The following ROBO1 variants were observed in gnomAD, a reference collection of about 807,000 sequenced individuals.
The protein encoded by ROBO1 is roundabout homolog 1.
Under a neutral mutation model 195.9 loss-of-function variants are expected in ROBO1, and 149 were observed. The observed-to-expected ratio is 0.76, with a 90% confidence interval of 0.67 to 0.87. ROBO1 has a LOEUF of 0.87. Ranked by LOEUF, ROBO1 falls within the 40% of genes least tolerant of loss-of-function variation. ROBO1 has a pLI of 0.00. For synonymous variants in ROBO1, 816 were observed against 733.2 expected, an observed-to-expected ratio of 1.11 and a Z score of -1.82; for missense variants, 1,933 against 2,068.3, an observed-to-expected ratio of 0.93 and a Z score of 1.27.
chr3:79,560,558 T>TATATATATATATATATACACAC (rs5850439), intron 2 of ROBO1, among the ~76,000 whole-genome samples: 1 of 129,702 alleles, frequency 7.7e-6, no homozygotes, highest in Non-Finnish European at 1.6e-5. Context: ...TATATATATA[T>TATATATATATATATATACACAC]ACACATACAC....
intron 28 of ROBO1, among the ~76,000 whole-genome samples, chr3:78,612,200 G>C (rs1703859574): frequency 1.3e-5 from 2 of 151,930 alleles, no homozygotes; most frequent in African/African-American, 4.8e-5. Flanking sequence ...ACCATATTCT[G>C]AACAATAGTT....
Position 79,695,321 on chromosome 3 carries a change from G to A in ROBO1, c.-51+72431C>T, listed in dbSNP as rs1200053708. Among the ~76,000 whole-genome samples the A allele has an allele frequency of 7.3e-5, 11 of 151,416 alleles. No homozygotes were observed. In the East Asian group the frequency reaches 9.7e-4, roughly 13 times the overall value. On this transcript the variant is annotated intron_variant, in intron 1 of 30. Coordinates refer to ENST00000464233, the MANE Select transcript of ROBO1 (RefSeq NM_002941.4). Reference sequence around the variant, plus strand: ...TTATTTGTACAAAGAATCTACTCTCGTAATCAATGCAACATTAAACAACCT... The same window carrying A: ...TTATTTGTACAAAGAATCTACTCTCATAATCAATGCAACATTAAACAACCT...
At chr3:78,740,053 T>A (rs1284881586) in intron 5 of ROBO1, among the ~76,000 whole-genome samples, 1 of 152,192 alleles carries the variant, frequency 6.6e-6, no homozygotes, top group East Asian at 1.9e-4. Context: ...TTTTAGTATG[T>A]AACTGACAAG....
At chr3:79,393,518 C>T (rs981422911) in intron 2 of ROBO1, among the ~76,000 whole-genome samples, 3 of 152,208 alleles carry the variant, frequency 2.0e-5, no homozygotes, top group Non-Finnish European at 2.9e-5. Flanking sequence ...TGTGCATCAG[C>T]TTCTACCTCT....
chr3:79,111,119 C>T (rs571957119), intron 3 of ROBO1, among the ~76,000 whole-genome samples: 5 of 152,252 alleles, frequency 3.3e-5, no homozygotes, highest in South Asian at 2.1e-4. Flanking sequence ...TGCTTCTGAT[C>T]GCTCTGACTC....
chr3:78,662,644 T>C (rs1011673597), intron 14 of ROBO1, among the ~76,000 whole-genome samples: 2 of 152,168 alleles, frequency 1.3e-5, no homozygotes, highest in African/African-American at 2.4e-5. Flanking sequence ...GGAAGGTATA[T>C]GGTAAGTTAG....
At chr3:79,572,854 A>T (rs1943325248) in intron 2 of ROBO1, among the ~76,000 whole-genome samples, 1 of 152,140 alleles carries the variant, frequency 6.6e-6, no homozygotes, top group Admixed American at 6.6e-5. Context: ...GTACGTTTTT[A>T]AATCACACTG....
At chr3:78,641,956 T>C (rs1425912159) in intron 21 of ROBO1, among the ~76,000 whole-genome samples, 1 of 152,184 alleles carries the variant, frequency 6.6e-6, no homozygotes, top group Non-Finnish European at 1.5e-5. Flanking sequence ...AGGTGAGCCA[T>C]GATTACTGGC....
chr3:79,517,964 T>C (rs1290794272), intron 2 of ROBO1, among the ~76,000 whole-genome samples: 1 of 151,998 alleles, frequency 6.6e-6, no homozygotes, highest in Non-Finnish European at 1.5e-5. Context: ...TTTTCCAGGG[T>C]GTTAGGGTTT....
chr3:79,138,301 G>A (rs573365966), intron 2 of ROBO1, among the ~76,000 whole-genome samples: 3 of 151,972 alleles, frequency 2.0e-5, no homozygotes, highest in African/African-American at 4.8e-5. Flanking sequence ...TACTTTTTTT[G>A]TTGAATGACT....
At chr3:79,026,984 T>G (rs2078213622) in intron 3 of ROBO1, among the ~76,000 whole-genome samples, 1 of 152,094 alleles carries the variant, frequency 6.6e-6, no homozygotes, top group African/African-American at 2.4e-5. Context: ...ATTTAGTGCC[T>G]TCATTATGTT....
intron 2 of ROBO1, among the ~76,000 whole-genome samples, chr3:79,257,789 A>G (rs1161459053): frequency 6.6e-6 from 1 of 152,156 alleles, no homozygotes; most frequent in Admixed American, 6.6e-5. Flanking sequence ...TTGCTACACC[A>G]TAATACACTC....
intron 2 of ROBO1, among the ~76,000 whole-genome samples, chr3:79,301,619 C>T (rs2032962012): frequency 6.6e-6 from 1 of 151,924 alleles, no homozygotes; most frequent in Admixed American, 6.6e-5. Context: ...TTATGCATTC[C>T]AATAGATGGA....
intron 3 of ROBO1, among the ~76,000 whole-genome samples, chr3:79,006,674 A>G (rs1239703756): frequency 4.7e-5 from 1 of 21,420 alleles, no homozygotes; most frequent in Non-Finnish European, 1.2e-4. Context: ...TCAGCCAGCC[A>G]CTCCTTGGCC....
At chr3:78,808,592 T>C (rs2084625043) in intron 4 of ROBO1, among the ~76,000 whole-genome samples, 2 of 152,140 alleles carry the variant, frequency 1.3e-5, no homozygotes, top group African/African-American at 4.8e-5. Context: ...ATTTTCAAAT[T>C]ATATGGAAAT....
intron 2 of ROBO1, among the ~76,000 whole-genome samples, chr3:79,255,848 T>G (rs1005549010): frequency 6.6e-5 from 10 of 152,116 alleles, no homozygotes; most frequent in Admixed American, 3.3e-4. Flanking sequence ...TACTTCCCCA[T>G]AAGTGAGGTA....
chr3:78,717,514 A>G (rs2081932458), intron 6 of ROBO1, 101 bp from the exon 7 acceptor site: 1 of 1,134,704 alleles, frequency 8.8e-7, no homozygotes, highest in Non-Finnish European at 1.3e-6. Flanking sequence ...TTAAAATATC[A>G]GCGAGGAAAT....
intron 2 of ROBO1, among the ~76,000 whole-genome samples, chr3:79,141,016 G>A (rs902621793): frequency 5.3e-5 from 8 of 152,150 alleles, no homozygotes; most frequent in African/African-American, 1.9e-4. Flanking sequence ...ATAAAACACA[G>A]TTGATATTGA....
chr3:79,632,642 T>C (rs1043846621), intron 1 of ROBO1, among the ~76,000 whole-genome samples: 2 of 152,044 alleles, frequency 1.3e-5, no homozygotes, highest in African/African-American at 4.8e-5. Flanking sequence ...AAATCCAAAA[T>C]GGATCACAGA....
Sources: gnomAD v4.1 joint callset for allele counts (sites outside exome capture counted in the v4.1 genomes callset) on GRCh38, gnomAD v4.1.1 for gene constraint, MANE v1.5 for transcripts, NCBI Gene and HGNC (gene_info 2026-07-23, HGNC 2026-07-21) for gene names.